The following WWOX variants were observed in gnomAD, a reference collection of about 807,000 sequenced individuals.
WWOX encodes WW domain containing oxidoreductase.
Under a neutral mutation model 46.2 loss-of-function variants are expected in WWOX, and 69 were observed. That is an observed-to-expected ratio of 1.49 (90% CI 1.23 to 1.82). The LOEUF (loss-of-function observed/expected upper bound fraction) is 1.82. Among genes scored for constraint, WWOX ranks in the 40% most tolerant of loss-of-function variants. The probability of loss-of-function intolerance (pLI) is 0.00; values close to 1 mark genes in which losing one functional copy is unlikely to be tolerated. For missense variants in WWOX, 919 were observed against 542.6 expected, an observed-to-expected ratio of 1.69 and a Z score of -6.89; for synonymous variants, 359 against 202.6, an observed-to-expected ratio of 1.77 and a Z score of -6.56.
intron 5 of WWOX, among the ~76,000 whole-genome samples, chr16:78,176,371 C>T (rs999134090): frequency 6.6e-6 from 1 of 152,182 alleles, no homozygotes; most frequent in Non-Finnish European, 1.5e-5. Context: ...GGAGAGCGTG[C>T]AGACTCAGGA....
At chr16:78,152,658 A>G (rs1382499466) in intron 4 of WWOX, among the ~76,000 whole-genome samples, 1 of 152,200 alleles carries the variant, frequency 6.6e-6, no homozygotes, top group African/African-American at 2.4e-5. Context: ...ACTCATTCCT[A>G]ACCAGGACTG....
At position 79,211,991 on chromosome 16, in the gene WWOX, T is replaced by A. The variant is rs1268294379; in HGVS notation, c.*195T>A. 6.5e-6 allele frequency: 10 copies of A among 1,534,804 alleles called. No homozygotes were observed. ...GAATTCCTGGGGTAAAGTATCACTTTTCTGGGGCTGGGCTAGGCATAGGTC... is the reference window on the plus strand; with the variant it reads ...GAATTCCTGGGGTAAAGTATCACTTATCTGGGGCTGGGCTAGGCATAGGTC... On this transcript the variant is annotated 3_prime_UTR_variant, in exon 9 of 9. Coordinates refer to ENST00000566780, the MANE Select transcript of WWOX (RefSeq NM_016373.4).
At chr16:78,797,866 T>G (rs962072387) in intron 8 of WWOX, among the ~76,000 whole-genome samples, 1 of 152,214 alleles carries the variant, frequency 6.6e-6, no homozygotes, top group African/African-American at 2.4e-5. Flanking sequence ...CGCGTGCCTG[T>G]AGTCCTAGCT....
At chr16:78,616,953 C>G (rs2046040388) in intron 8 of WWOX, among the ~76,000 whole-genome samples, 1 of 152,100 alleles carries the variant, frequency 6.6e-6, no homozygotes, top group Non-Finnish European at 1.5e-5. Flanking sequence ...GTTCCTTTTG[C>G]TTTAACAAGA....
chr16:78,603,776 G>C (rs2045680289), intron 8 of WWOX, among the ~76,000 whole-genome samples: 1 of 152,094 alleles, frequency 6.6e-6, no homozygotes, highest in African/African-American at 2.4e-5. Flanking sequence ...TTATCTAGTT[G>C]GAACAAGTGG....
In WWOX at chr16:78,863,034, C is replaced by G. The variant is rs551105947; in HGVS notation, c.1057-348574C>G. On this transcript the variant is annotated intron_variant, in intron 8 of 8. Coordinates refer to ENST00000566780, the MANE Select transcript of WWOX (RefSeq NM_016373.4). The stretch of plus-strand genomic sequence containing the variant: ...AGTGCAGTGGTGCAACCTTGGCTCA[C>G]CACAACCTCTGCCTCCCAGGTTCAA... Among the ~76,000 whole-genome samples, 40 of 150,288 alleles carry G rather than the reference C, an allele frequency of 2.7e-4. No homozygotes were observed. In the South Asian group the frequency reaches 7.2e-3, roughly 27 times the overall value.
At chr16:78,728,796 C>G (rs2048895270) in intron 8 of WWOX, among the ~76,000 whole-genome samples, 1 of 152,186 alleles carries the variant, frequency 6.6e-6, no homozygotes, top group Admixed American at 6.5e-5. Context: ...CTTGTCTACA[C>G]TCAGCTGCTA....
intron 6 of WWOX, among the ~76,000 whole-genome samples, chr16:78,424,573 C>T (rs544750688): frequency 1.3e-5 from 2 of 152,282 alleles, no homozygotes; most frequent in South Asian, 2.1e-4. Flanking sequence ...GACAACTCTT[C>T]GCAGATTGCC....
chr16:78,521,366 T>A (rs1480090605), intron 8 of WWOX, among the ~76,000 whole-genome samples: 1 of 152,110 alleles, frequency 6.6e-6, no homozygotes, highest in African/African-American at 2.4e-5. Context: ...TTGATATTAT[T>A]TTTTAATGGG....
intron 8 of WWOX, among the ~76,000 whole-genome samples, chr16:78,567,286 C>T (rs2044592902): frequency 6.6e-6 from 1 of 152,018 alleles, no homozygotes; most frequent in Non-Finnish European, 1.5e-5. Context: ...TGGCTCACGC[C>T]TGTAATCCCA....
intron 8 of WWOX, among the ~76,000 whole-genome samples, chr16:78,901,600 A>G (rs1349429947): frequency 6.6e-6 from 1 of 152,118 alleles, no homozygotes; most frequent in Non-Finnish European, 1.5e-5. Context: ...TCATCCTCCC[A>G]CCTCAGCCTC....
At chr16:79,067,551 C>G (rs1443692104) in intron 8 of WWOX, among the ~76,000 whole-genome samples, 1 of 146,874 alleles carries the variant, frequency 6.8e-6, no homozygotes, top group Non-Finnish European at 1.5e-5. Context: ...TCCCTGACCA[C>G]TGCCACATGG....
chr16:78,303,554 G>C (rs559771767), intron 5 of WWOX, among the ~76,000 whole-genome samples: 3 of 152,082 alleles, frequency 2.0e-5, no homozygotes, highest in Middle Eastern at 3.4e-3. Flanking sequence ...TTGGTTTTTT[G>C]TTTTTTTGAG....
intron 8 of WWOX, among the ~76,000 whole-genome samples, chr16:78,606,718 G>GTT (rs59612285): frequency 0.04 from 4,797 of 120,966 alleles, 266 homozygotes; most frequent in African/African-American, 0.13. Context: ...CAGAATTGCA[G>GTT]TTTTTTTTTT....
intron 8 of WWOX, among the ~76,000 whole-genome samples, chr16:78,872,436 A>C (rs2044148212): frequency 6.6e-6 from 1 of 152,194 alleles, no homozygotes; most frequent in African/African-American, 2.4e-5. Flanking sequence ...AAAGGAAAGA[A>C]ATGCCAGGCT....
intron 8 of WWOX, among the ~76,000 whole-genome samples, chr16:78,806,536 C>G (rs1261400182): frequency 1.3e-5 from 2 of 152,042 alleles, no homozygotes; most frequent in Non-Finnish European, 2.9e-5. Flanking sequence ...TTGATGCTGA[C>G]TGGTGGGTGG....
chr16:78,770,902 A>G (rs1209926753), intron 8 of WWOX, among the ~76,000 whole-genome samples: 1 of 152,260 alleles, frequency 6.6e-6, no homozygotes, highest in African/African-American at 2.4e-5. Context: ...GAAAATAGGC[A>G]GAGCGAGGAG....
chr16:78,109,444 C>A (rs2032357256), intron 2 of WWOX, among the ~76,000 whole-genome samples: 1 of 152,146 alleles, frequency 6.6e-6, no homozygotes, highest in Admixed American at 6.6e-5. Flanking sequence ...GTATGAATGA[C>A]GTTGGGTGCC....
At chr16:78,272,762 C>T (rs976605512) in intron 5 of WWOX, among the ~76,000 whole-genome samples, 1 of 151,946 alleles carries the variant, frequency 6.6e-6, no homozygotes, top group African/African-American at 2.4e-5. Context: ...AGTAATGATA[C>T]TAGTAATAAA....
Sources: allele counts gnomAD v4.1 joint callset (sites outside exome capture counted in the v4.1 genomes callset), GRCh38; gene constraint gnomAD v4.1.1; transcripts MANE v1.5; gene names NCBI Gene and HGNC (gene_info 2026-07-23, HGNC 2026-07-21).